Variants in STAT4 observed in about 807,000 individuals in gnomAD.
The protein encoded by STAT4 is signal transducer and activator of transcription 4.
A neutral mutation model predicts 110.5 loss-of-function variants in STAT4; 42 were observed. The ratio of observed to expected loss-of-function variants is 0.38; its 90% confidence interval spans 0.30 to 0.49. The LOEUF (loss-of-function observed/expected upper bound fraction) is 0.49. Ranked by LOEUF, STAT4 falls within the 20% of genes least tolerant of loss-of-function variation. The pLI, the probability that STAT4 is intolerant of heterozygous loss-of-function variation, is 0.95. For synonymous variants in STAT4, 284 were observed against 302.2 expected, an observed-to-expected ratio of 0.94 and a Z score of 0.63; for missense variants, 632 against 887.9, an observed-to-expected ratio of 0.71 and a Z score of 3.66.
chr2:191,142,838 T>C lies in STAT4; in HGVS notation c.273+3775A>G, dbSNP rs1356925164. Among the ~76,000 whole-genome samples, 1 of 152,054 alleles carries C rather than the reference T, an allele frequency of 6.6e-6. No individual in the cohort carries two copies. Among genetic ancestry groups the C allele is most frequent in the Non-Finnish European group, 1.5e-5 (1 of 68,006 alleles). ...GTGGGAAGCGAGAGAAGGATGAATA[T>C]TGGAGAGGACAGGAGATTTTCAGGG... On this transcript the variant is annotated intron_variant, in intron 3 of 23. Coordinates refer to ENST00000392320, the MANE Select transcript of STAT4 (RefSeq NM_003151.4). This position sits in a 1 kb window ranked among gnomAD's most constrained non-coding sequence, Gnocchi z 4.1.
Position 191,050,985 on chromosome 2 carries a change from CAA to C in STAT4, c.1251+3503_1251+3504del, listed in dbSNP as rs1696507597. Among the ~76,000 whole-genome samples the C allele has an allele frequency of 6.6e-6, 1 of 152,130 alleles. No homozygotes were observed. Among genetic ancestry groups the C allele is most frequent in the African/African-American group, 2.4e-5 (1 of 41,410 alleles). On this transcript the variant is annotated intron_variant, in intron 14 of 23. Transcript: ENST00000392320. The surrounding 1 kb of genome is among the most constrained non-coding windows in gnomAD (Gnocchi z 4.3). ...TCAATCATTTAATAACTATCTGATA[CAA>C]AGTCTTACAACCAAAAAGTAGAATG...
rs559141245 is a variant in STAT4 at position 191,043,071 on chromosome 2, G to C, written c.1252-1923C>G. ...TGGGATTACAGGCGTGAGCCACTGC[G>C]CCCGGCCGTATTCTCTATTCCTGTA... On this transcript the variant is annotated intron_variant, in intron 14 of 23. Transcript: ENST00000392320. This position sits in a 1 kb window ranked among gnomAD's most constrained non-coding sequence, Gnocchi z 4.8. Among the ~76,000 whole-genome samples, 3 of 152,160 alleles carry C rather than the reference G, an allele frequency of 2.0e-5. No individual in the cohort carries two copies. Among genetic ancestry groups the C allele is most frequent in the Non-Finnish European group, 4.4e-5 (3 of 68,026 alleles).
chr2:191,150,952 GC>G lies in STAT4; in HGVS notation c.-8del, dbSNP rs1465438462. 1 of 985,570 alleles carries G rather than the reference GC, an allele frequency of 1.0e-6. No individual in the cohort carries two copies. Among genetic ancestry groups the G allele is most frequent in the East Asian group, 1.1e-4 (1 of 8,824 alleles). The allele number at this position is 985,570 out of a possible 1,614,324, so 61.1% of individuals were successfully genotyped here. ...GGTGTGGTCTGGCCACTTACCTAGC[GC>G]TCTCTCAGCACAGGTCCCAGGCAGT... On this transcript the variant is annotated 5_prime_UTR_variant, in exon 1 of 24. Coordinates refer to ENST00000392320, the MANE Select transcript of STAT4 (RefSeq NM_003151.4). The surrounding 1 kb of genome is among the most constrained non-coding windows in gnomAD (Gnocchi z 6.4).
In STAT4 at chr2:191,146,596, G is replaced by C. The variant is rs1336017040; in HGVS notation, c.273+17C>G. 2.0e-6 allele frequency: 3 copies of C among 1,472,080 alleles called. No homozygotes were observed. Among genetic ancestry groups the C allele is most frequent in the Non-Finnish European group, 2.7e-6 (3 of 1,108,268 alleles). The allele number at this position is 1,472,080 out of a possible 1,614,324, so 91.2% of individuals were successfully genotyped here. A position where few individuals can be genotyped will look rare whatever the true frequency, so the allele number is the denominator to read the frequency against. On this transcript the variant is annotated intron_variant, in intron 3 of 23. Coordinates refer to ENST00000392320, the MANE Select transcript of STAT4 (RefSeq NM_003151.4). The surrounding 1 kb of genome is among the most constrained non-coding windows in gnomAD (Gnocchi z 4.5). ...TCATATATCCAAATATTTTGGAAAA[G>C]TAGAATGCATTCTTACCTGAAGGAC...
In STAT4 at chr2:191,083,412, C is replaced by T. The variant is rs1240014966; in HGVS notation, c.274-7087G>A. ...CAATGAAAAAAGATGGGATACTGGC[C>T]GTTGGATTTCTACTTGACTAAACTA... is the stretch of plus-strand genomic sequence containing the variant. On this transcript the variant is annotated intron_variant, in intron 3 of 23. Coordinates refer to ENST00000392320, the MANE Select transcript of STAT4 (RefSeq NM_003151.4). This position sits in a 1 kb window ranked among gnomAD's most constrained non-coding sequence, Gnocchi z 4.6. Among the ~76,000 whole-genome samples the T allele has an allele frequency of 1.3e-5, 2 of 152,080 alleles. No homozygotes were observed. Among genetic ancestry groups the T allele is most frequent in the African/African-American group, 4.8e-5 (2 of 41,394 alleles).
intron 16 of STAT4, among the ~76,000 whole-genome samples, chr2:191,038,223 G>A (rs1696095249): frequency 1.3e-5 from 2 of 152,052 alleles, no homozygotes; most frequent in South Asian, 4.2e-4. Flanking sequence ...TAAAGATCAG[G>A]CGATTTCTCT....
At chr2:191,149,362 G>T (rs761005115) in intron 1 of STAT4, among the ~76,000 whole-genome samples, 2 of 152,172 alleles carry the variant, frequency 1.3e-5, no homozygotes, top group East Asian at 1.9e-4. Flanking sequence ...ATAAAAAAAC[G>T]TGTTGCCAAT....
In STAT4 at chr2:191,064,877, A is replaced by C; in HGVS notation, c.712T>G (p.Trp238Gly). The change falls in exon 8 of 24, where the codon TGG becomes GGG. Residue 238 changes from tryptophan (W) to glycine (G), a missense_variant. Physicochemically the swap from Trp to Gly is radical, Grantham distance 184. This residue lies in a region of STAT4 where 488 missense variants were observed against 632.8 expected (regional missense o/e 0.77). Coordinates refer to ENST00000392320, the MANE Select transcript of STAT4 (RefSeq NM_003151.4). ...CAGGCGATTTGCTGCCGCCGCTTCCAGTCTTGCAGCTCTTCTATGAGCATG... is the reference window on the plus strand; with the variant it reads ...CAGGCGATTTGCTGCCGCCGCTTCCCGTCTTGCAGCTCTTCTATGAGCATG... ...NTMLIEELQD[W>G]KRRQQIACIG... is the part of the protein sequence containing the mutation. 6.2e-7 allele frequency: 1 copy of C among 1,613,414 alleles called. No homozygotes were observed. Among genetic ancestry groups the C allele is most frequent in the Non-Finnish European group, 8.5e-7 (1 of 1,179,658 alleles).
intron 15 of STAT4, among the ~76,000 whole-genome samples, chr2:191,040,557 A>C (rs1391007398): frequency 6.6e-6 from 1 of 151,840 alleles, no homozygotes; most frequent in Non-Finnish European, 1.5e-5. Context: ...ATTTTCTTTT[A>C]TTTTTTATTT....
At position 191,033,815 on chromosome 2, in the gene STAT4, C is replaced by G; in HGVS notation, c.1715+96G>C. ...ATTGCAACTATTTTTTTCTGTGGTA[C>G]TAAACATGCTTAAGAGAAAAAGAAA... On this transcript the variant is annotated intron_variant, in intron 19 of 23. Transcript: ENST00000392320. This position sits in a 1 kb window ranked among gnomAD's most constrained non-coding sequence, Gnocchi z 6.9. The G allele has an allele frequency of 7.4e-7, 1 of 1,360,158 alleles. No homozygotes were observed. The highest frequency in any genetic ancestry group is 1.0e-6 in the Non-Finnish European group (1 of 991,484). 84.3% of individuals were successfully genotyped at this position (1,360,158 alleles called of 1,614,324 possible). A position where few individuals can be genotyped will look rare whatever the true frequency, so the allele number is the denominator to read the frequency against.
Position 191,136,383 on chromosome 2 carries a change from G to A in STAT4, c.273+10230C>T, listed in dbSNP as rs114641144. 2.7e-3 allele frequency among the ~76,000 whole-genome samples: 406 copies of A among 152,320 alleles called. 1 individual carries two copies. Among genetic ancestry groups the A allele is most frequent in the Non-Finnish European group, 4.4e-3 (298 of 68,024 alleles). On this transcript the variant is annotated intron_variant, in intron 3 of 23. Transcript: ENST00000392320. ...TTCAACTACTCCTATTCAACATATTGCTGGGAGTCATAGCCAGAGCTATTA... is the reference window on the plus strand; with the variant it reads ...TTCAACTACTCCTATTCAACATATTACTGGGAGTCATAGCCAGAGCTATTA...
chr2:191,085,878 A>C (rs747862005), intron 3 of STAT4, among the ~76,000 whole-genome samples: 3 of 152,178 alleles, frequency 2.0e-5, no homozygotes, highest in Non-Finnish European at 4.4e-5. Flanking sequence ...TTTTGTTTCA[A>C]ACTTTACTGA....
intron 3 of STAT4, among the ~76,000 whole-genome samples, chr2:191,102,097 C>A (rs1391370446): frequency 6.6e-6 from 1 of 151,448 alleles, no homozygotes; most frequent in Non-Finnish European, 1.5e-5. Flanking sequence ...TAATTTTAAC[C>A]CATTTATGCC....
chr2:191,090,962 T>C lies in STAT4; in HGVS notation c.274-14637A>G, dbSNP rs190333569. ...AGTACATTTCCTGCAGAATGATCTATGTCTACGAAGACTTAACCCTTCTAG... is the reference window on the plus strand; with the variant it reads ...AGTACATTTCCTGCAGAATGATCTACGTCTACGAAGACTTAACCCTTCTAG... On this transcript the variant is annotated intron_variant, in intron 3 of 23. Transcript: ENST00000392320. The surrounding 1 kb of genome is among the most constrained non-coding windows in gnomAD (Gnocchi z 4.2). 2.0e-5 allele frequency among the ~76,000 whole-genome samples: 3 copies of C among 152,292 alleles called. No individual in the cohort carries two copies. The East Asian group carries it at 5.8e-4, about 29-fold the overall frequency.
chr2:191,121,598 A>AGGATGAGT (rs767628894), intron 3 of STAT4, among the ~76,000 whole-genome samples: 322 of 152,302 alleles, frequency 2.1e-3, no homozygotes, highest in Non-Finnish European at 3.6e-3. Flanking sequence ...AGCCATAAAA[A>AGGATGAGT]GGATGAGTTC....
chr2:191,033,364 TA>T lies in STAT4; in HGVS notation c.1852+125del. ...CCTGTTCTGAGACAACTGCAACTAC[TA>T]ATATTCAAGCCCACTGAATACATCA... On this transcript the variant is annotated intron_variant, in intron 20 of 23. Coordinates refer to ENST00000392320, the MANE Select transcript of STAT4 (RefSeq NM_003151.4). The surrounding 1 kb of genome is among the most constrained non-coding windows in gnomAD (Gnocchi z 6.9). 1 of 1,237,408 alleles carries T rather than the reference TA, an allele frequency of 8.1e-7. No individual in the cohort carries two copies. Among genetic ancestry groups the T allele is most frequent in the Non-Finnish European group, 1.1e-6 (1 of 902,168 alleles). 76.7% of individuals were successfully genotyped at this position (1,237,408 alleles called of 1,614,324 possible). A position where few individuals can be genotyped will look rare whatever the true frequency, so the allele number is the denominator to read the frequency against.
chr2:191,038,396 C>T (rs1019469872), intron 16 of STAT4, among the ~76,000 whole-genome samples: 16 of 152,192 alleles, frequency 1.1e-4, no homozygotes, highest in African/African-American at 3.9e-4. Context: ...ACACTAACAG[C>T]TGATTCATTA....
At chr2:191,085,812 CA>C (rs1559060322) in intron 3 of STAT4, among the ~76,000 whole-genome samples, 1 of 152,156 alleles carries the variant, frequency 6.6e-6, no homozygotes, top group Non-Finnish European at 1.5e-5. Context: ...TCAAGTAGAA[CA>C]GAAGTTAATT....
In STAT4 at chr2:191,061,958, C is replaced by T. The variant is rs538527225; in HGVS notation, c.942-137G>A. ...GAAGATATTCAAACCCCCAATTAAA[C>T]TCAAATCTTTACAATGACTTTTTAT... On this transcript the variant is annotated intron_variant, in intron 9 of 23. Coordinates refer to ENST00000392320, the MANE Select transcript of STAT4 (RefSeq NM_003151.4). This position sits in a 1 kb window ranked among gnomAD's most constrained non-coding sequence, Gnocchi z 6.2. The T allele has an allele frequency of 1.4e-6, 1 of 719,858 alleles. No individual in the cohort carries two copies. The highest frequency in any genetic ancestry group is 1.8e-5 in the African/African-American group (1 of 54,972). 44.6% of individuals were successfully genotyped at this position (719,858 alleles called of 1,614,324 possible).
Sources: gnomAD v4.1 joint callset for allele counts (sites outside exome capture counted in the v4.1 genomes callset) on GRCh38, gnomAD v4.1.1 for gene constraint, gnomAD v4.1.1 regional missense constraint, Gnocchi (gnomAD v3.1) non-coding constraint, MANE v1.5 for transcripts, NCBI Gene and HGNC (gene_info 2026-07-23, HGNC 2026-07-21) for gene names.